Variants in KIFC3 observed in about 807,000 individuals in gnomAD.
KIFC3 encodes the protein kinesin-like protein KIFC3.
A neutral mutation model predicts 101.8 loss-of-function variants in KIFC3; 60 were observed. The ratio of observed to expected loss-of-function variants is 0.59; its 90% CI spans 0.48 to 0.73. KIFC3 has a LOEUF of 0.73. Among genes scored for constraint, KIFC3 ranks in the 30% least tolerant of loss-of-function variants. KIFC3 has a pLI of 0.00. For synonymous variants in KIFC3, 476 were observed against 482.7 expected, an observed-to-expected ratio of 0.99 and a Z score of 0.18; for missense variants, 966 against 1,137.1, an observed-to-expected ratio of 0.85 and a Z score of 2.16.
intron 1 of KIFC3, among the ~76,000 whole-genome samples, chr16:57,840,636 T>A (rs1190613527): frequency 1.3e-5 from 2 of 151,576 alleles, no homozygotes; most frequent in African/African-American, 2.4e-5. Flanking sequence ...GGCGCATGGC[T>A]GTAATCCCAG....
chr16:57,859,778 T>G (rs1421238760), intron 1 of KIFC3, among the ~76,000 whole-genome samples: 1 of 151,918 alleles, frequency 6.6e-6, no homozygotes, highest in African/African-American at 2.4e-5. Context: ...TCCCAGCACT[T>G]CGGGAGGCTG....
intron 3 of KIFC3, chr16:57,774,812 C>A (rs1328295287): frequency 3.3e-5 from 39 of 1,182,244 alleles, no homozygotes; most frequent in Non-Finnish European, 4.0e-5. Flanking sequence ...CCGTTGTGAG[C>A]CCCTGCGCCC....
rs1555619053 is a variant in KIFC3, at chr16:57,788,858, G to T, written c.315+6141C>A. The T allele has an allele frequency of 5.9e-6, 4 of 679,750 alleles. No homozygotes were observed. In the South Asian group the frequency reaches 7.3e-5, roughly 12 times the overall value. 42.1% of individuals were successfully genotyped at this position (679,750 alleles called of 1,614,324 possible). A position where few individuals can be genotyped will look rare whatever the true frequency, so the allele number is the denominator to read the frequency against. ...CCTCCCTTTGTGGGTGGGTGGGGAC[G>T]TTGAGGTCCAGGATCTGGAAGAGGA... On this transcript the variant is annotated intron_variant, in intron 3 of 19. Coordinates refer to ENST00000445690, the MANE Select transcript of KIFC3 (RefSeq NM_001130100.2).
chr16:57,847,108 A>G (rs1234733434), intron 1 of KIFC3, among the ~76,000 whole-genome samples: 1 of 151,350 alleles, frequency 6.6e-6, no homozygotes, highest in Non-Finnish European at 1.5e-5. Context: ...TCTCTTGAAC[A>G]CGGGAGGCGG....
chr16:57,800,445 C>G (rs1568061812), intron 1 of KIFC3, among the ~76,000 whole-genome samples: 1 of 152,178 alleles, frequency 6.6e-6, no homozygotes, highest in Non-Finnish European at 1.5e-5. Flanking sequence ...TGGCACAGAG[C>G]TGGGCACACA....
chr16:57,767,513 G>A (rs1284160475), intron 9 of KIFC3, among the ~76,000 whole-genome samples: 3 of 152,186 alleles, frequency 2.0e-5, no homozygotes, highest in African/African-American at 4.8e-5. Flanking sequence ...GAGTAGAAGG[G>A]AAGTGTATAC....
chr16:57,810,105 C>T (rs1555627621), intron 1 of KIFC3, among the ~76,000 whole-genome samples: 1 of 152,166 alleles, frequency 6.6e-6, no homozygotes, highest in Admixed American at 6.5e-5. Flanking sequence ...GGATGAGTCT[C>T]ATCTGGTGCC....
At chr16:57,861,597 G>A (rs1227794549) in intron 1 of KIFC3, among the ~76,000 whole-genome samples, 11 of 152,246 alleles carry the variant, frequency 7.2e-5, no homozygotes, top group African/African-American at 2.4e-4. Flanking sequence ...CCCAGGGGTC[G>A]ATCATAAAAC....
At chr16:57,782,058 C>T (rs1364018114) in intron 3 of KIFC3, 3 of 985,346 alleles carry the variant, frequency 3.0e-6, no homozygotes, top group Non-Finnish European at 3.6e-6. Flanking sequence ...CTTAGAGAGG[C>T]AAAGTTCAGA....
At chr16:57,763,654 C>G (rs1555599986) in intron 12 of KIFC3, among the ~76,000 whole-genome samples, 2 of 152,180 alleles carry the variant, frequency 1.3e-5, no homozygotes, top group African/African-American at 4.8e-5. Context: ...GGAGAGGAAG[C>G]CTTGGCCTGG....
intron 3 of KIFC3, 93 bp from the exon 4 acceptor site, chr16:57,772,381 G>A (rs782233638): frequency 1.9e-6 from 2 of 1,072,316 alleles, no homozygotes; most frequent in Non-Finnish European, 1.4e-6. Flanking sequence ...TGACTGATGT[G>A]GCTGTGGCTT....
At chr16:57,797,349 G>A (rs1215487198) in intron 2 of KIFC3, among the ~76,000 whole-genome samples, 2 of 152,232 alleles carry the variant, frequency 1.3e-5, no homozygotes, top group African/African-American at 4.8e-5. Flanking sequence ...AGGGCGACCT[G>A]CCCACGCCTC....
chr16:57,823,614 C>A (rs1241458909), intron 1 of KIFC3, among the ~76,000 whole-genome samples: 1 of 152,116 alleles, frequency 6.6e-6, no homozygotes, highest in East Asian at 1.9e-4. Context: ...ATTTCAGAGG[C>A]AAGAGTCTCA....
At chr16:57,761,930 G>A (rs998896133) in intron 13 of KIFC3, among the ~76,000 whole-genome samples, 1 of 151,826 alleles carries the variant, frequency 6.6e-6, no homozygotes, top group Non-Finnish European at 1.5e-5. Flanking sequence ...CCTTCACCTT[G>A]ACGGCCTCAT....
At position 57,761,495 on chromosome 16, in the gene KIFC3, C is replaced by G. The variant is rs782212267; in HGVS notation, c.1790G>C (p.Arg597Pro). The G allele has an allele frequency of 6.2e-7, 1 of 1,613,876 alleles. No individual in the cohort carries two copies. Among genetic ancestry groups the G allele is most frequent in the Non-Finnish European group, 8.5e-7 (1 of 1,179,876 alleles). The stretch of plus-strand genomic sequence containing the variant: ...CTGCCCACTGCCGTCTGGGCACAGC[C>G]GGATCTCCAGTTTTTCCTGAGGCTC... ...GKEPQEKLEI[R>P]LCPDGSGQLY... The change falls in exon 14 of 20, where the codon CGG becomes CCG. Residue 597 changes from arginine to proline, a missense_variant. By Grantham distance (103) the Arg-to-Pro change is moderately radical. This residue lies in a region of KIFC3 where 689 missense variants were observed against 884.6 expected (regional missense o/e 0.78). Coordinates refer to ENST00000445690, the MANE Select transcript of KIFC3 (RefSeq NM_001130100.2).
intron 3 of KIFC3, among the ~76,000 whole-genome samples, chr16:57,786,630 CAG>C (rs1441915974): frequency 1.3e-5 from 2 of 152,112 alleles, no homozygotes; most frequent in African/African-American, 4.8e-5. Flanking sequence ...ATCTGCTGGC[CAG>C]AGAGCGCTGC....
At chr16:57,802,601 T>A, upstream of KIFC3, 6 of 982,446 alleles carry the variant, frequency 6.1e-6, no homozygotes, top group Middle Eastern at 5.2e-4. This position sits in a 1 kb window ranked among gnomAD's most constrained non-coding sequence, Gnocchi z 5.0. Context: ...TCACGCGCAC[T>A]GGCGCGCACG....
chr16:57,810,224 G>A (rs1464709043), intron 1 of KIFC3, among the ~76,000 whole-genome samples: 2 of 152,140 alleles, frequency 1.3e-5, no homozygotes, highest in Non-Finnish European at 2.9e-5. Flanking sequence ...TGGGGAGATG[G>A]GGACAGGGGC....
chr16:57,775,822 C>CCTG (rs2051983053), intron 3 of KIFC3: 3 of 985,476 alleles, frequency 3.0e-6, no homozygotes, highest in Admixed American at 1.2e-4. Flanking sequence ...ACAGCATGGA[C>CCTG]GTCAATCCAG....
Sources: allele counts gnomAD v4.1 joint callset (sites outside exome capture counted in the v4.1 genomes callset), GRCh38; gene constraint gnomAD v4.1.1; regional missense constraint gnomAD v4.1.1; non-coding constraint Gnocchi (gnomAD v3.1); transcripts MANE v1.5; gene names NCBI Gene and HGNC (gene_info 2026-07-23, HGNC 2026-07-21).